Variants in KDM3B observed in about 807,000 individuals in gnomAD.
The protein encoded by KDM3B is lysine-specific demethylase 3B.
In KDM3B, 10 loss-of-function variants were observed where a neutral mutation model predicts 170.0. The ratio of observed to expected loss-of-function variants is 0.06; its 90% CI spans 0.04 to 0.10. KDM3B has a LOEUF of 0.10. Among genes scored for constraint, KDM3B ranks in the 10% least tolerant of loss-of-function variants. KDM3B has a pLI of 1.00. For synonymous variants in KDM3B, 831 were observed against 834.8 expected (o/e 1.00, Z 0.08); for missense variants, 1,394 against 2,195.2 (o/e 0.64, Z 7.29).
rs193153808 is a variant in KDM3B, at chr5:138,428,216, T to G, written c.4753+130T>G. ...TTTTTCTTTTTTCTGTTTTTTTTTT[T>G]GGGGGGCGGGGAGGCAGAGTCTCGC... is the stretch of plus-strand genomic sequence containing the variant. On this transcript the variant is annotated intron_variant, in intron 20 of 23. Transcript: ENST00000314358. The G allele has an allele frequency of 6.4e-3, 5,994 of 930,428 alleles. 44 individuals are homozygous for G. Among genetic ancestry groups the G allele is most frequent in the African/African-American group, 0.026 (1,517 of 59,112 alleles). 57.6% of individuals were successfully genotyped at this position (930,428 alleles called of 1,614,324 possible). A position where few individuals can be genotyped will look rare whatever the true frequency, so the allele number is the denominator to read the frequency against.
chr5:138,369,576 C>A (rs1761824819), intron 1 of KDM3B, among the ~76,000 whole-genome samples: 1 of 152,180 alleles, frequency 6.6e-6, no homozygotes, highest in South Asian at 2.1e-4. Flanking sequence ...TGTTCAAGAT[C>A]TTCCACATCT....
At chr5:138,390,557 C>T (rs1762401030) in intron 7 of KDM3B, among the ~76,000 whole-genome samples, 2 of 152,148 alleles carry the variant, frequency 1.3e-5, no homozygotes, top group African/African-American at 4.8e-5. Flanking sequence ...GGCAATTTTA[C>T]AGTAGCCTAA....
chr5:138,361,493 G>A (rs996666857), intron 1 of KDM3B, among the ~76,000 whole-genome samples: 3 of 152,138 alleles, frequency 2.0e-5, no homozygotes, highest in Non-Finnish European at 2.9e-5. Context: ...TCTGCATAGA[G>A]CCCCTTCCTG....
At chr5:138,392,537 G>A (rs1561774902) in intron 8 of KDM3B, among the ~76,000 whole-genome samples, 1 of 152,220 alleles carries the variant, frequency 6.6e-6, no homozygotes, top group Non-Finnish European at 1.5e-5. Context: ...TTTTTGGTCA[G>A]GAACTATTTC....
chr5:138,375,408 C>T (rs1050233721), intron 3 of KDM3B, among the ~76,000 whole-genome samples: 5 of 151,404 alleles, frequency 3.3e-5, no homozygotes, highest in Non-Finnish European at 5.9e-5. Flanking sequence ...GACAGAGTCT[C>T]GATATGTCCC....
chr5:138,419,230 A>T lies in KDM3B; in HGVS notation c.3713A>T (p.Lys1238Ile), dbSNP rs1763189885. 1 of 1,612,710 alleles carries T rather than the reference A, an allele frequency of 6.2e-7. No individual in the cohort carries two copies. Among genetic ancestry groups the T allele is most frequent in the Non-Finnish European group, 8.5e-7 (1 of 1,179,034 alleles). Residue 1238 changes from lysine to isoleucine, a missense_variant and splice_region_variant, in exon 14 of 24, where the codon AAA becomes ATA. Lys to Ile is a moderately radical substitution (Grantham distance 102, BLOSUM62 -3). Transcript: ENST00000314358. ...LATQKAKEET[K>I]EAGSLRSVLN... is the part of the protein sequence containing the mutation. ...ACTCAGAAGGCTAAAGAAGAAACAA[A>T]AGGTGAGATGCACACAAACCTCTGC...
intron 11 of KDM3B, among the ~76,000 whole-genome samples, chr5:138,404,626 T>TAAA (rs574323887): frequency 1.4e-5 from 2 of 142,502 alleles, no homozygotes. Context: ...AAACTCCATC[T>TAAA]AAAAAAAAAA....
intron 6 of KDM3B, 116 bp downstream of exon 6, chr5:138,381,706 C>A: frequency 1.5e-6 from 1 of 650,484 alleles, no homozygotes. Flanking sequence ...CAGCTTTAGC[C>A]ACTGTACATT....
chr5:138,358,937 T>TC (rs1417326268), intron 1 of KDM3B, among the ~76,000 whole-genome samples: 2 of 117,822 alleles, frequency 1.7e-5, no homozygotes, highest in Non-Finnish European at 3.5e-5. Flanking sequence ...AAGCTATCCC[T>TC]CCCCCCTCCC....
In KDM3B at chr5:138,398,386, C is replaced by T. The variant is rs759602172; in HGVS notation, c.3040C>T (p.Pro1014Ser). 1 of 1,613,708 alleles carries T rather than the reference C, an allele frequency of 6.2e-7. No individual in the cohort carries two copies. The highest frequency in any genetic ancestry group is 1.1e-5 in the South Asian group (1 of 91,034). ...GAAGGAGGCCATGATGATGGTGGAG[C>T]CACACCGTAAGTCACCTTCTCACTT... ...SEKEAMMMVE[P>S]HQKVAWKRAV... The change falls in exon 10 of 24, where the codon CCA becomes TCA. Residue 1014 changes from proline to serine, a missense_variant. Physicochemically the swap from Pro to Ser is moderately conservative, Grantham distance 74. This residue lies in a region of KDM3B where 76 missense variants were observed against 190.2 expected (regional missense o/e 0.40). Coordinates refer to ENST00000314358, the MANE Select transcript of KDM3B (RefSeq NM_016604.4).
chr5:138,414,167 T>TA (rs1763044204), intron 11 of KDM3B, among the ~76,000 whole-genome samples: 1 of 151,926 alleles, frequency 6.6e-6, no homozygotes, highest in African/African-American at 2.4e-5. Flanking sequence ...AGGCAAAACT[T>TA]ATTATTATTT....
chr5:138,365,824 C>T (rs2126914655), intron 1 of KDM3B, among the ~76,000 whole-genome samples: 1 of 151,948 alleles, frequency 6.6e-6, no homozygotes, highest in East Asian at 2.0e-4. Flanking sequence ...CATGGTGAAA[C>T]CCCGTCTCTA....
rs560404028 is a variant in KDM3B, at chr5:138,412,987, G to A, written c.3200-2145G>A. ...AGATACGTCACCAAAAAATATAGTC[G>A]ATGGCAGGTAAGTACATGGGAAAAA... On this transcript the variant is annotated intron_variant, in intron 11 of 23. Coordinates refer to ENST00000314358, the MANE Select transcript of KDM3B (RefSeq NM_016604.4). Among the ~76,000 whole-genome samples, 5 of 152,208 alleles carry A rather than the reference G, an allele frequency of 3.3e-5. No homozygotes were observed. The South Asian group carries it at 8.3e-4, about 25-fold the overall frequency.
intron 17 of KDM3B, among the ~76,000 whole-genome samples, chr5:138,426,574 C>CAAAA (rs566978034): frequency 1.4e-5 from 1 of 69,168 alleles, no homozygotes. Context: ...GACTCCATCT[C>CAAAA]AAAAAAAAAA....
chr5:138,358,302 CTTTCTTT>C (rs1482707118), intron 1 of KDM3B, among the ~76,000 whole-genome samples: 11 of 109,804 alleles, frequency 1.0e-4, no homozygotes, highest in African/African-American at 2.7e-4. Flanking sequence ...TTCTTTCTTT[CTTTCTTT>C]TTTTTTTTTT....
chr5:138,423,504 G>C (rs1763324070), intron 15 of KDM3B, among the ~76,000 whole-genome samples: 1 of 152,134 alleles, frequency 6.6e-6, no homozygotes, highest in Admixed American at 6.6e-5. Context: ...AGCTGAAACA[G>C]GTGAGTGATT....
At chr5:138,416,573 G>T (rs1015176776) in intron 12 of KDM3B, among the ~76,000 whole-genome samples, 2 of 139,390 alleles carry the variant, frequency 1.4e-5, no homozygotes, top group Non-Finnish European at 3.1e-5. Context: ...TAGGCGATAC[G>T]GTGAGACTCT....
At chr5:138,355,883 C>G (rs888134770) in intron 1 of KDM3B, among the ~76,000 whole-genome samples, 1 of 152,230 alleles carries the variant, frequency 6.6e-6, no homozygotes, top group Admixed American at 6.5e-5. Flanking sequence ...AACCAGCAAT[C>G]TCTTTGCTCA....
chr5:138,360,598 G>C (rs1340181271), intron 1 of KDM3B, among the ~76,000 whole-genome samples: 1 of 139,730 alleles, frequency 7.2e-6, no homozygotes, highest in Non-Finnish European at 1.5e-5. Flanking sequence ...TTTTGAGACG[G>C]AGTCTCACTT....
Sources: gnomAD v4.1 joint callset for allele counts (sites outside exome capture counted in the v4.1 genomes callset) on GRCh38, gnomAD v4.1.1 for gene constraint, gnomAD v4.1.1 regional missense constraint, MANE v1.5 for transcripts, NCBI Gene and HGNC (gene_info 2026-07-23, HGNC 2026-07-21) for gene names.